The following CCSER1 variants were observed in gnomAD, a reference collection of about 807,000 sequenced individuals.
The protein encoded by CCSER1 is serine-rich coiled-coil domain-containing protein 1.
Under a neutral mutation model 82.0 loss-of-function variants are expected in CCSER1, and 41 were observed. That is an observed-to-expected ratio of 0.50 (90% CI 0.39 to 0.65). The LOEUF (loss-of-function observed/expected upper bound fraction) is 0.65, where lower values mean the gene tolerates loss of function less well. Among genes scored for constraint, CCSER1 ranks in the 30% least tolerant of loss-of-function variants. The pLI is 0.00. For synonymous variants in CCSER1, 414 were observed against 383.9 expected, an observed-to-expected ratio of 1.08 and a Z score of -0.92; for missense variants, 1,119 against 1,064.2, an observed-to-expected ratio of 1.05 and a Z score of -0.72.
intron 8 of CCSER1, among the ~76,000 whole-genome samples, chr4:90,909,767 G>A (rs887516482): frequency 3.3e-5 from 5 of 152,072 alleles, no homozygotes. Context: ...CCTGTCTTAA[G>A]TACTAAAGAA....
chr4:91,547,556 C>G (rs1198145139), intron 10 of CCSER1, among the ~76,000 whole-genome samples: 1 of 152,086 alleles, frequency 6.6e-6, no homozygotes, highest in Non-Finnish European at 1.5e-5. Flanking sequence ...TACTTTTAAT[C>G]TACATGTGCC....
At chr4:91,292,852 C>T (rs1161289462) in intron 10 of CCSER1, among the ~76,000 whole-genome samples, 1 of 151,894 alleles carries the variant, frequency 6.6e-6, no homozygotes. Context: ...GCTTGAGTAT[C>T]CACTTGTCTA....
intron 10 of CCSER1, among the ~76,000 whole-genome samples, chr4:91,365,120 CT>C (rs1280810509): frequency 2.0e-5 from 3 of 152,092 alleles, no homozygotes; most frequent in African/African-American, 7.2e-5. Context: ...AATAAACAGT[CT>C]TTAAAAGATA....
chr4:91,241,966 G>GTA (rs74321571), intron 10 of CCSER1, among the ~76,000 whole-genome samples: 3,999 of 151,272 alleles, frequency 0.026, 166 homozygotes, highest in African/African-American at 0.09. Flanking sequence ...AACTGTGTGC[G>GTA]TATATATATA....
At chr4:90,583,274 C>G (rs1781620163) in intron 5 of CCSER1, among the ~76,000 whole-genome samples, 1 of 152,140 alleles carries the variant, frequency 6.6e-6, no homozygotes, top group Non-Finnish European at 1.5e-5. Flanking sequence ...TCAAGCTATT[C>G]TCATGTCTCA....
At chr4:90,523,789 T>C (rs1773419013) in intron 5 of CCSER1, among the ~76,000 whole-genome samples, 1 of 151,892 alleles carries the variant, frequency 6.6e-6, no homozygotes, top group Non-Finnish European at 1.5e-5. Flanking sequence ...TTCCTAAAAG[T>C]TTGTGGAAGA....
chr4:91,568,567 G>T (rs1402957428), intron 10 of CCSER1, among the ~76,000 whole-genome samples: 1 of 151,612 alleles, frequency 6.6e-6, no homozygotes, highest in Non-Finnish European at 1.5e-5. Flanking sequence ...GTTTATTTTT[G>T]TCCGCTGTCT....
chr4:90,466,587 T>G (rs1387522780), intron 4 of CCSER1, among the ~76,000 whole-genome samples: 2 of 152,334 alleles, frequency 1.3e-5, no homozygotes, highest in Non-Finnish European at 2.9e-5. Flanking sequence ...ACTTCTGATC[T>G]CTAGAACTGT....
At chr4:90,598,616 G>T (rs751941157) in intron 5 of CCSER1, among the ~76,000 whole-genome samples, 22 of 152,152 alleles carry the variant, frequency 1.4e-4, no homozygotes, top group Non-Finnish European at 2.6e-4. Flanking sequence ...CTTCTTCAGA[G>T]AAATGTGTAT....
At chr4:90,736,897 A>G (rs1745742275) in intron 7 of CCSER1, among the ~76,000 whole-genome samples, 1 of 151,990 alleles carries the variant, frequency 6.6e-6, no homozygotes, top group African/African-American at 2.4e-5. Context: ...GAGATTTGCA[A>G]GTAACAACTT....
intron 7 of CCSER1, among the ~76,000 whole-genome samples, chr4:90,760,178 C>T (rs972092524): frequency 4.0e-5 from 6 of 151,818 alleles, no homozygotes; most frequent in Non-Finnish European, 1.5e-5. Flanking sequence ...TGTGCCATTT[C>T]GGGTTGAAAA....
At chr4:90,766,677 A>G (rs1233874316) in intron 7 of CCSER1, among the ~76,000 whole-genome samples, 3 of 152,154 alleles carry the variant, frequency 2.0e-5, no homozygotes, top group Non-Finnish European at 4.4e-5. Flanking sequence ...TTACCTTGTC[A>G]TTATGTGATG....
intron 8 of CCSER1, among the ~76,000 whole-genome samples, chr4:90,883,031 T>C (rs1409495416): frequency 6.6e-6 from 1 of 152,032 alleles, no homozygotes; most frequent in East Asian, 1.9e-4. Context: ...GTTAGACTGA[T>C]GAGAAAAGCT....
At position 90,589,981 on chromosome 4, in the gene CCSER1, A is replaced by C. The variant is rs1037540477; in HGVS notation, c.1725-38044A>C. ...AATCTCATTACCTTGTGGTAAAAAC[A>C]CTTAATTTTAGGCTGGACACAATGG... On this transcript the variant is annotated intron_variant, in intron 5 of 10. Transcript: ENST00000509176. Among the ~76,000 whole-genome samples, 3 of 152,200 alleles carry C rather than the reference A, an allele frequency of 2.0e-5. No individual in the cohort carries two copies. The East Asian group carries it at 5.8e-4, about 29-fold the overall frequency.
chr4:91,381,948 T>C (rs1750931501), intron 10 of CCSER1, among the ~76,000 whole-genome samples: 1 of 150,956 alleles, frequency 6.6e-6, no homozygotes, highest in South Asian at 2.1e-4. Flanking sequence ...TGTTTCTTAG[T>C]TTTCCTTCTA....
intron 7 of CCSER1, among the ~76,000 whole-genome samples, chr4:90,788,785 G>A (rs1048827522): frequency 2.6e-5 from 4 of 152,154 alleles, no homozygotes; most frequent in Non-Finnish European, 5.9e-5. Flanking sequence ...AAGTTCATTA[G>A]AAAGGCGATC....
chr4:90,744,353 T>C (rs1481165541), intron 7 of CCSER1, among the ~76,000 whole-genome samples: 1 of 152,132 alleles, frequency 6.6e-6, no homozygotes, highest in Admixed American at 6.6e-5. Flanking sequence ...AGTAATAAAA[T>C]GCAAAATGAA....
chr4:90,345,214 G>A (rs1047465490), intron 3 of CCSER1, among the ~76,000 whole-genome samples: 11 of 152,060 alleles, frequency 7.2e-5, no homozygotes, highest in Non-Finnish European at 1.6e-4. Context: ...AATGTAGTAG[G>A]AGAACCACCA....
At position 90,545,311 on chromosome 4, in the gene CCSER1, C is replaced by T. The variant is rs1579077164; in HGVS notation, c.1724+76957C>T. Among the ~76,000 whole-genome samples the T allele has an allele frequency of 2.0e-5, 3 of 152,066 alleles. No individual in the cohort carries two copies. In the Middle Eastern group the frequency reaches 0.01, roughly 517 times the overall value. On this transcript the variant is annotated intron_variant, in intron 5 of 10. Transcript: ENST00000509176. ...TGAAGGGAACAGAAATCACAGATTA[C>T]CTGCAAGCAAGCAATTTCATGAGAT...
Sources: gnomAD v4.1 joint callset for allele counts (sites outside exome capture counted in the v4.1 genomes callset) on GRCh38, gnomAD v4.1.1 for gene constraint, MANE v1.5 for transcripts, NCBI Gene and HGNC (gene_info 2026-07-23, HGNC 2026-07-21) for gene names.